ANKRD12: variants seen among roughly 807,000 people sequenced by gnomAD.
The protein encoded by ANKRD12 is ankyrin repeat domain 12.
In ANKRD12, 85 loss-of-function variants were observed where a neutral mutation model predicts 183.4. The ratio of observed to expected loss-of-function variants is 0.46; its 90% confidence interval spans 0.39 to 0.56. The LOEUF (loss-of-function observed/expected upper bound fraction) is 0.56. Ranked by LOEUF, ANKRD12 falls within the 20% of genes least tolerant of loss-of-function variation. The pLI, the probability that ANKRD12 is intolerant of heterozygous loss-of-function variation, is 0.00. For synonymous variants in ANKRD12, 914 were observed against 800.2 expected (o/e 1.14, Z -2.40); for missense variants, 2,405 against 2,357.1 (o/e 1.02, Z -0.42).
At chr18:9,244,698 T>C (rs915718306) in intron 8 of ANKRD12, among the ~76,000 whole-genome samples, 10 of 152,152 alleles carry the variant, frequency 6.6e-5, no homozygotes, top group African/African-American at 1.9e-4. Flanking sequence ...GAGACAAAAA[T>C]TCCAGTAAGT....
Position 9,254,680 on chromosome 18 carries a change from A to G in ANKRD12, c.1413A>G (p.Lys471=). Residue 471 remains lysine (K), a synonymous_variant, in exon 9 of 13, where the codon AAA becomes AAG. Coordinates refer to ENST00000262126, the MANE Select transcript of ANKRD12 (RefSeq NM_015208.5). ...CAGGTGAACACAAACAGAAAGGCAA[A>G]GTTAAAAGAAAATTGAAAAATCAGA... ...VVSGEHKQKG[K]VKRKLKNQNK... 6.5e-7 allele frequency: 1 copy of G among 1,530,370 alleles called. No homozygotes were observed. Among genetic ancestry groups the G allele is most frequent in the Non-Finnish European group, 8.8e-7 (1 of 1,141,948 alleles). 94.8% of individuals were successfully genotyped at this position (1,530,370 alleles called of 1,614,324 possible).
At position 9,255,395 on chromosome 18, in the gene ANKRD12, T is replaced by C. The variant is rs1292427658; in HGVS notation, c.2128T>C (p.Phe710Leu). 4 of 1,590,234 alleles carry C rather than the reference T, an allele frequency of 2.5e-6. No individual in the cohort carries two copies. Among genetic ancestry groups the C allele is most frequent in the Non-Finnish European group, 3.4e-6 (4 of 1,173,406 alleles). The change falls in exon 9 of 13, where the codon TTT (phenylalanine) becomes CTT (leucine). Residue 710 changes from phenylalanine to leucine, a missense_variant. By Grantham distance (22) the Phe-to-Leu change is conservative. Around this residue, in one of 7 missense-constraint regions of ANKRD12, gnomAD observed 1,983 missense variants for 1,725.9 expected, o/e 1.15. Coordinates refer to ENST00000262126, the MANE Select transcript of ANKRD12 (RefSeq NM_015208.5). The stretch of plus-strand genomic sequence containing the variant: ...TAAAAGTGATGAAACTGAAGATCTC[T>C]TTTTAAATATGGAACATGAATCCTT... Reference protein sequence around the residue: ...FFKSDETEDLFLNMEHESLTL... With the variant: ...FFKSDETEDLLLNMEHESLTL...
intron 7 of ANKRD12, among the ~76,000 whole-genome samples, chr18:9,220,357 A>G (rs1400237990): frequency 6.6e-6 from 1 of 152,180 alleles, no homozygotes; most frequent in Non-Finnish European, 1.5e-5. Flanking sequence ...CAAGGGGGGA[A>G]ATGTGTTAAT....
At chr18:9,186,013 T>C (rs530049345) in intron 2 of ANKRD12, among the ~76,000 whole-genome samples, 2 of 152,326 alleles carry the variant, frequency 1.3e-5, no homozygotes, top group Non-Finnish European at 2.9e-5. Context: ...GATGCCACTT[T>C]TTGGATTTGA....
chr18:9,230,280 A>T (rs186824408), intron 8 of ANKRD12, among the ~76,000 whole-genome samples: 1 of 152,160 alleles, frequency 6.6e-6, no homozygotes, highest in African/African-American at 2.4e-5. Flanking sequence ...ATAGTTCATA[A>T]TAGTCTCTGG....
chr18:9,259,000 C>A (rs541616280), intron 9 of ANKRD12, 69 bp downstream of exon 9: 5 of 1,459,386 alleles, frequency 3.4e-6, no homozygotes, highest in Admixed American at 5.1e-5. Context: ...TAGCCACATA[C>A]GTAATTTGAA....
In ANKRD12 at chr18:9,225,239, C is replaced by G. The variant is rs1163502662; in HGVS notation, c.943+3240C>G. Among the ~76,000 whole-genome samples the G allele has an allele frequency of 2.3e-5, 2 of 87,382 alleles. 1 individual carries two copies. Among genetic ancestry groups the G allele is most frequent in the African/African-American group, 6.6e-5 (2 of 30,444 alleles). 57.3% of individuals were successfully genotyped at this position (87,382 alleles called of 152,430 possible). A position where few individuals can be genotyped will look rare whatever the true frequency, so the allele number is the denominator to read the frequency against. On this transcript the variant is annotated intron_variant, in intron 8 of 12. Coordinates refer to ENST00000262126, the MANE Select transcript of ANKRD12 (RefSeq NM_015208.5). ...TGTAATCCCAGCACTTTTGGGAAGT[C>G]GAGGCGGACAGATCACTTGAGCCCA...
intron 3 of ANKRD12, among the ~76,000 whole-genome samples, chr18:9,204,151 T>C (rs2035345534): frequency 6.6e-6 from 1 of 152,236 alleles, no homozygotes; most frequent in South Asian, 2.1e-4. Flanking sequence ...GAGTACTGGC[T>C]CTTTTACTGT....
intron 8 of ANKRD12, chr18:9,235,632 C>T (rs1281309429): frequency 2.2e-6 from 1 of 456,256 alleles, no homozygotes; most frequent in Non-Finnish European, 4.4e-6. Flanking sequence ...GTCTCTTCAT[C>T]CTCAGGATCC....
intron 11 of ANKRD12, 92 bp from the exon 12 acceptor site, chr18:9,279,457 A>C: frequency 1.3e-6 from 1 of 746,880 alleles, no homozygotes; most frequent in East Asian, 2.8e-5. Flanking sequence ...CATCGTTACT[A>C]AGAAAGCAGC....
At chr18:9,246,256 CCATTT>C (rs562639823) in intron 8 of ANKRD12, among the ~76,000 whole-genome samples, 86 of 152,286 alleles carry the variant, frequency 5.6e-4, no homozygotes, top group African/African-American at 1.9e-3. Flanking sequence ...TATCTCCACT[CCATTT>C]CCTTTCCCTT....
chr18:9,273,516 A>G (rs1259940628), intron 10 of ANKRD12, among the ~76,000 whole-genome samples: 1 of 152,102 alleles, frequency 6.6e-6, no homozygotes, highest in East Asian at 1.9e-4. Context: ...AGAAATTAGA[A>G]CCCTCCCATT....
intron 12 of ANKRD12, among the ~76,000 whole-genome samples, chr18:9,279,932 G>A (rs1408595660): frequency 1.3e-5 from 2 of 152,098 alleles, no homozygotes; most frequent in African/African-American, 2.4e-5. Context: ...GAAAGAATAG[G>A]AGAATGGTAA....
chr18:9,157,289 A>G (rs539608749), intron 1 of ANKRD12, among the ~76,000 whole-genome samples: 2 of 152,130 alleles, frequency 1.3e-5, no homozygotes, highest in Admixed American at 1.3e-4. Flanking sequence ...ATTTTATAAT[A>G]AAGTGTTGAT....
chr18:9,276,696 G>A (rs1598784871), intron 11 of ANKRD12, among the ~76,000 whole-genome samples: 1 of 151,712 alleles, frequency 6.6e-6, no homozygotes, highest in South Asian at 2.1e-4. Flanking sequence ...CTGGGCAACA[G>A]AGTGGGACCC....
chr18:9,163,985 T>A (rs546952915), intron 1 of ANKRD12, among the ~76,000 whole-genome samples: 1 of 152,296 alleles, frequency 6.6e-6, no homozygotes, highest in African/African-American at 2.4e-5. Flanking sequence ...CAAAGGTAAT[T>A]TGACTTTCTC....
intron 7 of ANKRD12, among the ~76,000 whole-genome samples, chr18:9,217,420 G>A (rs1421282004): frequency 6.6e-6 from 1 of 151,838 alleles, no homozygotes; most frequent in African/African-American, 2.4e-5. Context: ...ATATTTCAAA[G>A]GAAAAAAAGA....
chr18:9,168,425 ACTT>A (rs2032318794), intron 1 of ANKRD12, among the ~76,000 whole-genome samples: 1 of 152,092 alleles, frequency 6.6e-6, no homozygotes, highest in Admixed American at 6.5e-5. Flanking sequence ...CAGAGATTCA[ACTT>A]CTTCCTGATT....
intron 11 of ANKRD12, among the ~76,000 whole-genome samples, chr18:9,276,843 G>C (rs1281027713): frequency 2.0e-5 from 3 of 152,158 alleles, no homozygotes; most frequent in Admixed American, 2.0e-4. Flanking sequence ...TAAAGAAATA[G>C]GCACTGGAGA....
Sources: allele counts gnomAD v4.1 joint callset (sites outside exome capture counted in the v4.1 genomes callset), GRCh38; gene constraint gnomAD v4.1.1; regional missense constraint gnomAD v4.1.1; transcripts MANE v1.5; gene names NCBI Gene and HGNC (gene_info 2026-07-23, HGNC 2026-07-21).